Variants in UBE2Q2 observed in about 807,000 individuals in gnomAD.
UBE2Q2 encodes the protein ubiquitin conjugating enzyme E2 Q2.
In UBE2Q2, 54 loss-of-function variants were observed where a neutral mutation model predicts 59.9. That is an observed-to-expected ratio of 0.90 (90% CI 0.72 to 1.13). The LOEUF (loss-of-function observed/expected upper bound fraction) is 1.13, where lower values mean the gene tolerates loss of function less well. Ranked by LOEUF, UBE2Q2 falls within the 50% of genes most tolerant of loss-of-function variation. The pLI is 0.00. For missense variants in UBE2Q2, 433 were observed against 441.9 expected (o/e 0.98, Z 0.18); for synonymous variants, 165 against 155.2 (o/e 1.06, Z -0.47).
chr15:75,856,852 A>T (rs564720731), intron 2 of UBE2Q2, among the ~76,000 whole-genome samples: 4 of 152,002 alleles, frequency 2.6e-5, no homozygotes, highest in African/African-American at 7.2e-5. Flanking sequence ...CTGAGGCAGG[A>T]GAAGTGCTTC....
At chr15:75,861,785 A>G (rs757719848) in intron 3 of UBE2Q2, among the ~76,000 whole-genome samples, 6 of 152,176 alleles carry the variant, frequency 3.9e-5, no homozygotes, top group Admixed American at 3.9e-4. Context: ...AAATTTGCCT[A>G]TCTATCACTA....
intron 3 of UBE2Q2, among the ~76,000 whole-genome samples, chr15:75,862,814 CAAAAAAAAAAAAAA>C (rs71140182): frequency 1.9e-5 from 1 of 53,924 alleles, no homozygotes; most frequent in Admixed American, 2.3e-4. Flanking sequence ...AACCCTATCT[CAAAAAAAAAAAAAA>C]AAAAAAAAAA....
At chr15:75,892,973 A>ACAGAGAGACATGAGGAT (rs1167898043) in intron 11 of UBE2Q2, among the ~76,000 whole-genome samples, 1 of 152,194 alleles carries the variant, frequency 6.6e-6, no homozygotes, top group Admixed American at 6.5e-5. Context: ...AGAATGTTAC[A>ACAGAGAGACATGAGGAT]CAGAGAGACA....
chr15:75,890,958 C>G lies in UBE2Q2; in HGVS notation c.973C>G (p.Gln325Glu), dbSNP rs769550947. 6.2e-7 allele frequency: 1 copy of G among 1,612,478 alleles called. No homozygotes were observed. ...SAYSIESVIM[Q>E]INATLVKGKA... ...CTACTCAATAGAATCGGTCATCATG[C>G]AAATAAATGCCACCTTAGTCAAAGG... The change falls in exon 11 of 13, where the codon CAA becomes GAA. Residue 325 changes from glutamine (Q) to glutamate (E), a missense_variant. By Grantham distance (29) the Gln-to-Glu change is conservative (BLOSUM62 2). Transcript: ENST00000267938.
At chr15:75,860,416 C>G (rs1897152341) in intron 3 of UBE2Q2, among the ~76,000 whole-genome samples, 1 of 151,952 alleles carries the variant, frequency 6.6e-6, no homozygotes. Flanking sequence ...CTGGATTTAC[C>G]TATTTAGGCA....
chr15:75,893,950 C>G (rs1379047770), intron 11 of UBE2Q2, among the ~76,000 whole-genome samples: 1 of 152,136 alleles, frequency 6.6e-6, no homozygotes, highest in African/African-American at 2.4e-5. Flanking sequence ...AGAAGCTAAT[C>G]TTTTTCAATG....
intron 3 of UBE2Q2, among the ~76,000 whole-genome samples, chr15:75,863,142 C>T (rs2141585078): frequency 6.6e-6 from 1 of 152,268 alleles, no homozygotes; most frequent in Non-Finnish European, 1.5e-5. Context: ...CTATCTGTCC[C>T]ACTTTCTGGG....
intron 11 of UBE2Q2, among the ~76,000 whole-genome samples, chr15:75,891,997 C>T (rs1470806176): frequency 1.3e-5 from 2 of 152,200 alleles, no homozygotes; most frequent in African/African-American, 4.8e-5. Flanking sequence ...CCATAACCTC[C>T]ACTTATTCTC....
chr15:75,844,119 G>A (rs930870169), intron 1 of UBE2Q2: 3 of 1,412,958 alleles, frequency 2.1e-6, no homozygotes, highest in South Asian at 1.5e-5. Flanking sequence ...CTAGCCCCGA[G>A]GGGGGAGTCC....
intron 3 of UBE2Q2, among the ~76,000 whole-genome samples, chr15:75,865,670 C>T (rs1346631681): frequency 6.6e-6 from 1 of 152,136 alleles, no homozygotes. Context: ...GGCCTGTGAC[C>T]TTTCAGCTGC....
At chr15:75,872,133 G>A (rs912835464) in intron 4 of UBE2Q2, among the ~76,000 whole-genome samples, 103 of 152,124 alleles carry the variant, frequency 6.8e-4, no homozygotes, top group African/African-American at 2.4e-3. Flanking sequence ...TGAAGAGATG[G>A]CATTCCAAAA....
chr15:75,894,276 A>G (rs1018649214), intron 11 of UBE2Q2, among the ~76,000 whole-genome samples: 1 of 152,150 alleles, frequency 6.6e-6, no homozygotes, highest in African/African-American at 2.4e-5. Context: ...AATAAAAAAA[A>G]CCTGAAGGAG....
intron 4 of UBE2Q2, among the ~76,000 whole-genome samples, chr15:75,872,874 T>G (rs1897872383): frequency 7.1e-6 from 1 of 141,462 alleles, no homozygotes; most frequent in South Asian, 2.2e-4. Flanking sequence ...TATTCTTTTT[T>G]GTATTGTTTT....
In UBE2Q2 at chr15:75,854,483, A is replaced by G. The variant is rs376835471; in HGVS notation, c.278A>G (p.Asn93Ser). Residue 93 changes from asparagine (N) to serine (S), a missense_variant, in exon 2 of 13, where the codon AAT becomes AGT. Asn to Ser is a conservative substitution (Grantham distance 46, BLOSUM62 1). Transcript: ENST00000267938. Reference protein sequence around the residue: ...LERLEDTKNNNLLRQQLKWLI... With the variant: ...LERLEDTKNNSLLRQQLKWLI... ...CGTCTAGAAGATACTAAGAACAACAATTTGGTAAGAAAATAAGCCAAGCTA... is the reference window on the plus strand; with the variant it reads ...CGTCTAGAAGATACTAAGAACAACAGTTTGGTAAGAAAATAAGCCAAGCTA... The G allele has an allele frequency of 3.1e-6, 5 of 1,603,864 alleles. No homozygotes were observed. In the African/African-American group the frequency reaches 4.0e-5, roughly 13 times the overall value.
At position 75,843,767 on chromosome 15, in the gene UBE2Q2, T is replaced by C; in HGVS notation, c.101T>C (p.Leu34Pro). 1.2e-6 allele frequency: 2 copies of C among 1,610,466 alleles called. No homozygotes were observed. Among genetic ancestry groups the C allele is most frequent in the Middle Eastern group, 1.7e-4 (1 of 6,016 alleles). Reference protein sequence around the residue: ...FRIVSWKLDELHCQFLVPQQG... With the variant: ...FRIVSWKLDEPHCQFLVPQQG... ...ATCGTCAGTTGGAAGCTGGACGAGC[T>C]GCACTGCCAGTTCCTGGTGCCGCAG... is the stretch of plus-strand genomic sequence containing the variant. The change falls in exon 1 of 13, where the codon CTG (leucine) becomes CCG (proline). Residue 34 changes from leucine to proline, a missense_variant. Coordinates refer to ENST00000267938, the MANE Select transcript of UBE2Q2 (RefSeq NM_173469.4).
intron 9 of UBE2Q2, among the ~76,000 whole-genome samples, chr15:75,887,042 G>A (rs370916357): frequency 6.6e-6 from 1 of 151,842 alleles, no homozygotes; most frequent in African/African-American, 2.4e-5. Flanking sequence ...AATCTGTTAC[G>A]TAGTTTCTTA....
At chr15:75,881,915 A>AT in intron 8 of UBE2Q2, among the ~76,000 whole-genome samples, 1 of 152,320 alleles carries the variant, frequency 6.6e-6, no homozygotes, top group East Asian at 1.9e-4. Context: ...CATTTAGAGA[A>AT]TAATAGCCAG....
At chr15:75,850,967 A>T (rs1014050190) in intron 1 of UBE2Q2, among the ~76,000 whole-genome samples, 2 of 152,166 alleles carry the variant, frequency 1.3e-5, no homozygotes, top group Non-Finnish European at 2.9e-5. Flanking sequence ...ACAGTCTTAA[A>T]TTTTTTGCAA....
chr15:75,872,012 A>G (rs77972002), intron 4 of UBE2Q2, among the ~76,000 whole-genome samples: 4,041 of 152,236 alleles, frequency 0.027, 206 homozygotes, highest in African/African-American at 0.093. Context: ...ATTGTGAGGA[A>G]AACATGTAGG....
Sources: gnomAD v4.1 joint callset for allele counts (sites outside exome capture counted in the v4.1 genomes callset) on GRCh38, gnomAD v4.1.1 for gene constraint, MANE v1.5 for transcripts, NCBI Gene and HGNC (gene_info 2026-07-23, HGNC 2026-07-21) for gene names.